Variants in SLC2A13 observed in about 807,000 individuals in gnomAD.
SLC2A13 encodes proton myo-inositol cotransporter.
Under a neutral mutation model 64.4 loss-of-function variants are expected in SLC2A13, and 32 were observed. The observed-to-expected ratio is 0.50, with a 90% confidence interval of 0.37 to 0.67. The LOEUF (loss-of-function observed/expected upper bound fraction) is 0.67. Among genes scored for constraint, SLC2A13 ranks in the 30% least tolerant of loss-of-function variants. The probability of loss-of-function intolerance (pLI) is 0.00; values close to 1 mark genes in which losing one functional copy is unlikely to be tolerated. For synonymous variants in SLC2A13, 338 were observed against 327.1 expected, an observed-to-expected ratio of 1.03 and a Z score of -0.36; for missense variants, 743 against 829.2, an observed-to-expected ratio of 0.90 and a Z score of 1.28.
intron 1 of SLC2A13, among the ~76,000 whole-genome samples, chr12:40,096,339 T>C (rs906541013): frequency 6.6e-6 from 1 of 152,128 alleles, no homozygotes; most frequent in Non-Finnish European, 1.5e-5. Context: ...ACTAACTGTA[T>C]TTTTCTTGTT....
At chr12:39,989,912 A>G (rs184371581) in intron 3 of SLC2A13, among the ~76,000 whole-genome samples, 2 of 152,226 alleles carry the variant, frequency 1.3e-5, no homozygotes, top group Admixed American at 1.3e-4. Context: ...TAAATAATGT[A>G]AATGTGTTCT....
chr12:39,907,359 A>G (rs954146890), intron 4 of SLC2A13, among the ~76,000 whole-genome samples: 3 of 152,124 alleles, frequency 2.0e-5, no homozygotes, highest in South Asian at 2.1e-4. Context: ...AATTTTCTCA[A>G]TGAAGAAAGA....
intron 7 of SLC2A13, among the ~76,000 whole-genome samples, chr12:39,793,304 A>G (rs1592142964): frequency 6.6e-6 from 1 of 152,156 alleles, no homozygotes; most frequent in East Asian, 1.9e-4. Context: ...GTACATTAAA[A>G]ACTACAAACC....
At position 39,903,912 on chromosome 12, in the gene SLC2A13, C is replaced by T. The variant is rs181065415; in HGVS notation, c.1035-31951G>A. On this transcript the variant is annotated intron_variant, in intron 4 of 9. Coordinates refer to ENST00000280871, the MANE Select transcript of SLC2A13 (RefSeq NM_052885.4). ...GCAGCCTATCAAACTGGACTGATAT[C>T]CCTTGGAGTCTCATATTTGGACTAA... Among the ~76,000 whole-genome samples the T allele has an allele frequency of 9.4e-4, 143 of 152,122 alleles. 2 individuals are homozygous for T. The highest frequency in any genetic ancestry group is 1.3e-3 in the Non-Finnish European group (89 of 67,986).
chr12:39,872,001 C>A, intron 4 of SLC2A13, 40 bp from the exon 5 acceptor site: 1 of 1,458,724 alleles, frequency 6.9e-7, no homozygotes, highest in Non-Finnish European at 9.1e-7. Flanking sequence ...TTGATAGTTA[C>A]CCAAAGAAAC....
chr12:39,843,430 G>T (rs1207815928), intron 6 of SLC2A13, among the ~76,000 whole-genome samples: 4 of 151,946 alleles, frequency 2.6e-5, no homozygotes, highest in African/African-American at 9.7e-5. Context: ...ATGGCCTTTT[G>T]CAGAAAGAAT....
intron 4 of SLC2A13, among the ~76,000 whole-genome samples, chr12:39,925,516 T>G (rs138742346): frequency 6.6e-6 from 1 of 152,310 alleles, no homozygotes; most frequent in East Asian, 1.9e-4. Context: ...TGTGCATATA[T>G]AACAATAATA....
chr12:40,049,142 G>C (rs1355650846), intron 1 of SLC2A13, among the ~76,000 whole-genome samples: 1 of 151,484 alleles, frequency 6.6e-6, no homozygotes, highest in African/African-American at 2.4e-5. Context: ...GCCTGTTATA[G>C]TATTCAGCCT....
intron 4 of SLC2A13, among the ~76,000 whole-genome samples, chr12:39,937,181 C>G (rs574856387): frequency 6.6e-6 from 1 of 152,170 alleles, no homozygotes; most frequent in Non-Finnish European, 1.5e-5. Context: ...ATAGAACTTC[C>G]TCACATCTTT....
intron 1 of SLC2A13, among the ~76,000 whole-genome samples, chr12:40,078,726 C>T (rs1484305766): frequency 2.6e-5 from 4 of 152,128 alleles, no homozygotes; most frequent in Non-Finnish European, 5.9e-5. Flanking sequence ...TTTCTTTATA[C>T]ATCTGATAAA....
At chr12:39,803,536 T>C (rs1941873839) in intron 7 of SLC2A13, among the ~76,000 whole-genome samples, 1 of 151,978 alleles carries the variant, frequency 6.6e-6, no homozygotes, top group Non-Finnish European at 1.5e-5. Flanking sequence ...AAATGTAACT[T>C]CTTGAAAAAA....
At chr12:39,869,524 A>G (rs867057564) in intron 5 of SLC2A13, among the ~76,000 whole-genome samples, 1 of 152,214 alleles carries the variant, frequency 6.6e-6, no homozygotes, top group African/African-American at 2.4e-5. Context: ...ATCACTGTAC[A>G]GTGTTTGTAG....
At chr12:39,980,485 C>T (rs1233838401) in intron 3 of SLC2A13, among the ~76,000 whole-genome samples, 5 of 151,246 alleles carry the variant, frequency 3.3e-5, no homozygotes, top group Non-Finnish European at 7.4e-5. Flanking sequence ...GAAGATCTAC[C>T]AAGCAAATGG....
chr12:39,970,423 T>C (rs1946624748), intron 3 of SLC2A13, among the ~76,000 whole-genome samples: 1 of 152,232 alleles, frequency 6.6e-6, no homozygotes, highest in Non-Finnish European at 1.5e-5. Context: ...TGAAGTGGTC[T>C]CTTCGCATTT....
intron 4 of SLC2A13, among the ~76,000 whole-genome samples, chr12:39,873,548 C>A (rs1330075004): frequency 6.6e-6 from 1 of 152,104 alleles, no homozygotes; most frequent in Non-Finnish European, 1.5e-5. Flanking sequence ...AAGAATTTGA[C>A]ATGTGTCATG....
intron 6 of SLC2A13, among the ~76,000 whole-genome samples, chr12:39,839,253 T>C (rs1363614973): frequency 6.6e-6 from 1 of 152,014 alleles, no homozygotes; most frequent in Non-Finnish European, 1.5e-5. Flanking sequence ...CAGATTCCTA[T>C]ATCAGTACTG....
chr12:39,936,247 T>G (rs1051137660), intron 4 of SLC2A13, among the ~76,000 whole-genome samples: 2 of 152,206 alleles, frequency 1.3e-5, no homozygotes, highest in African/African-American at 4.8e-5. Flanking sequence ...TAGGGTAGGT[T>G]CACTTTGATC....
chr12:39,830,167 T>A lies in SLC2A13; in HGVS notation c.1381A>T (p.Thr461Ser), dbSNP rs891837078. 3 of 1,613,646 alleles carry A rather than the reference T, an allele frequency of 1.9e-6. No homozygotes were observed. In the African/African-American group the frequency reaches 4.0e-5, roughly 22 times the overall value. The change falls in exon 7 of 10, where the codon ACT becomes TCT. Residue 461 changes from threonine (T) to serine (S), a missense_variant. By Grantham distance (58) the Thr-to-Ser change is moderately conservative. Coordinates refer to ENST00000280871, the MANE Select transcript of SLC2A13 (RefSeq NM_052885.4). ...GGAACACAGGAGGAGTCAATGACAG[T>A]TGATTTGTTCATCTTGTAGCAGAAA... ...CGFCYKMNKS[T>S]VIDSSCVPVN...
chr12:40,051,420 T>G (rs1948251728), intron 1 of SLC2A13, among the ~76,000 whole-genome samples: 1 of 152,110 alleles, frequency 6.6e-6, no homozygotes, highest in Admixed American at 6.6e-5. Flanking sequence ...CATCAGACAC[T>G]GGATCTGAGC....
Sources: allele counts gnomAD v4.1 joint callset (sites outside exome capture counted in the v4.1 genomes callset), GRCh38; gene constraint gnomAD v4.1.1; transcripts MANE v1.5; gene names NCBI Gene and HGNC (gene_info 2026-07-23, HGNC 2026-07-21).